Variants in CNTNAP4 observed in about 807,000 individuals in gnomAD.
CNTNAP4 encodes the protein contactin associated protein family member 4.
CNTNAP4 carries 98 observed loss-of-function variants against 148.4 expected under a neutral mutation model. The observed-to-expected ratio is 0.66, with a 90% CI of 0.56 to 0.78. CNTNAP4 has a LOEUF of 0.78. Ranked by LOEUF, CNTNAP4 falls within the 30% of genes least tolerant of loss-of-function variation. The pLI, the probability that CNTNAP4 is intolerant of heterozygous loss-of-function variation, is 0.00. For synonymous variants in CNTNAP4, 730 were observed against 565.1 expected (o/e 1.29, Z -4.14); for missense variants, 1,935 against 1,565.6 (o/e 1.24, Z -3.98).
chr16:76,300,206 T>C (rs76986100), intron 1 of CNTNAP4, among the ~76,000 whole-genome samples: 3,953 of 152,246 alleles, frequency 0.026, 169 homozygotes, highest in African/African-American at 0.089. Context: ...ATCACTGATG[T>C]ACTTTTAAAG....
intron 10 of CNTNAP4, among the ~76,000 whole-genome samples, chr16:76,475,044 C>T (rs1446101405): frequency 6.6e-6 from 1 of 152,134 alleles, no homozygotes; most frequent in Admixed American, 6.5e-5. Context: ...CCTGTAATCC[C>T]AGCTACTCCA....
chr16:76,332,266 A>G (rs571075061), intron 2 of CNTNAP4, among the ~76,000 whole-genome samples: 1 of 151,990 alleles, frequency 6.6e-6, no homozygotes, highest in Admixed American at 6.6e-5. Context: ...TGGGGCCAAT[A>G]TTATTATTTT....
chr16:76,509,429 G>T lies in CNTNAP4; in HGVS notation c.2365+10735G>T, dbSNP rs1274525178. ...TTAGACAAAATAATTTTAAAAAGAG[G>T]TTGAGAAATGAATTTATAAAACTTT... On this transcript the variant is annotated intron_variant, in intron 15 of 23. Coordinates refer to ENST00000611870, the MANE Select transcript of CNTNAP4 (RefSeq NM_033401.5). Among the ~76,000 whole-genome samples the T allele has an allele frequency of 2.1e-5, 2 of 97,384 alleles. 1 individual carries two copies. The highest frequency in any genetic ancestry group is 5.2e-5 in the African/African-American group (2 of 38,798). The allele number at this position is 97,384 out of a possible 152,430, so 63.9% of individuals were successfully genotyped here.
At chr16:76,478,213 T>G (rs2081662599) in intron 11 of CNTNAP4, among the ~76,000 whole-genome samples, 1 of 152,202 alleles carries the variant, frequency 6.6e-6, no homozygotes, top group African/African-American at 2.4e-5. Flanking sequence ...CCAATCCTTT[T>G]CCACAACCAG....
intron 3 of CNTNAP4, among the ~76,000 whole-genome samples, chr16:76,384,220 T>A (rs2016287786): frequency 2.0e-5 from 3 of 151,898 alleles, no homozygotes; most frequent in African/African-American, 7.3e-5. Flanking sequence ...ATTTTTGTAT[T>A]TCTGGTGGAG....
intron 8 of CNTNAP4, among the ~76,000 whole-genome samples, chr16:76,454,914 C>G (rs1387823040): frequency 6.6e-6 from 1 of 152,022 alleles, no homozygotes; most frequent in Admixed American, 6.6e-5. Context: ...TTGAAAAACT[C>G]AACATTTTAA....
At chr16:76,534,967 A>T (rs1361861287) in intron 17 of CNTNAP4, among the ~76,000 whole-genome samples, 1 of 152,220 alleles carries the variant, frequency 6.6e-6, no homozygotes, top group Admixed American at 6.5e-5. Context: ...AGCATAAAAC[A>T]CTGAACACTA....
intron 8 of CNTNAP4, among the ~76,000 whole-genome samples, chr16:76,459,087 C>A (rs2080840949): frequency 6.6e-6 from 1 of 152,086 alleles, no homozygotes; most frequent in Non-Finnish European, 1.5e-5. Flanking sequence ...AGTGGAAAGT[C>A]TAAAATGAAA....
chr16:76,305,232 T>C (rs1327876446), intron 1 of CNTNAP4, among the ~76,000 whole-genome samples: 2 of 152,208 alleles, frequency 1.3e-5, no homozygotes, highest in Non-Finnish European at 2.9e-5. Context: ...TTTCTCTATG[T>C]CTGTGACAAT....
chr16:76,309,490 C>G (rs1960857622), intron 1 of CNTNAP4, among the ~76,000 whole-genome samples: 1 of 152,064 alleles, frequency 6.6e-6, no homozygotes, highest in Non-Finnish European at 1.5e-5. Context: ...AGTGGGGCAT[C>G]CTATGGGATT....
At position 76,515,121 on chromosome 16, in the gene CNTNAP4, G is replaced by C. The variant is rs927854865; in HGVS notation, c.2366-6019G>C. Among the ~76,000 whole-genome samples the C allele has an allele frequency of 2.6e-5, 4 of 152,276 alleles. No homozygotes were observed. In the South Asian group the frequency reaches 6.2e-4, roughly 24 times the overall value. On this transcript the variant is annotated intron_variant, in intron 15 of 23. Coordinates refer to ENST00000611870, the MANE Select transcript of CNTNAP4 (RefSeq NM_033401.5). ...TTATCAAAATGAAATTTTACTTTGT[G>C]AAAGCTTGCATGAAGAGGAAGAAAA...
chr16:76,469,927 T>G (rs2081305512), intron 10 of CNTNAP4, among the ~76,000 whole-genome samples: 1 of 152,178 alleles, frequency 6.6e-6, no homozygotes, highest in African/African-American at 2.4e-5. Flanking sequence ...ATATTTAGTT[T>G]GGTCTTATAT....
At chr16:76,518,551 C>T (rs1477932522) in intron 15 of CNTNAP4, among the ~76,000 whole-genome samples, 1 of 152,034 alleles carries the variant, frequency 6.6e-6, no homozygotes, top group Non-Finnish European at 1.5e-5. Context: ...ATACATAATA[C>T]TTATGCATAT....
At chr16:76,280,259 C>G (rs1209851906) in intron 1 of CNTNAP4, among the ~76,000 whole-genome samples, 3 of 152,154 alleles carry the variant, frequency 2.0e-5, no homozygotes, top group African/African-American at 4.8e-5. Context: ...CTCTGCAAAA[C>G]CAGTACAGCT....
intron 1 of CNTNAP4, among the ~76,000 whole-genome samples, chr16:76,297,914 T>A (rs1222907218): frequency 6.6e-6 from 1 of 152,216 alleles, no homozygotes; most frequent in Non-Finnish European, 1.5e-5. Flanking sequence ...TCTCTGCTTC[T>A]CCTTTTCCTC....
At chr16:76,372,009 AG>A (rs2014879388) in intron 3 of CNTNAP4, among the ~76,000 whole-genome samples, 1 of 152,168 alleles carries the variant, frequency 6.6e-6, no homozygotes, top group South Asian at 2.1e-4. Flanking sequence ...TGTTATTTCC[AG>A]GGAGTCTCTG....
intron 3 of CNTNAP4, among the ~76,000 whole-genome samples, chr16:76,413,465 G>A (rs1436529574): frequency 2.0e-5 from 3 of 151,102 alleles, no homozygotes; most frequent in Non-Finnish European, 4.4e-5. Flanking sequence ...TGCTGAATCT[G>A]TTTCTGGATT....
At chr16:76,314,404 A>G (rs1390328785) in intron 1 of CNTNAP4, among the ~76,000 whole-genome samples, 1 of 152,212 alleles carries the variant, frequency 6.6e-6, no homozygotes, top group Non-Finnish European at 1.5e-5. Context: ...TCACGAAAGT[A>G]GGAGGAATAA....
chr16:76,461,429 A>G (rs902146733), intron 8 of CNTNAP4, among the ~76,000 whole-genome samples: 13 of 152,146 alleles, frequency 8.5e-5, no homozygotes, highest in African/African-American at 3.1e-4. Context: ...TCTACAAACT[A>G]CGAGGATCAA....
Sources: allele counts gnomAD v4.1 joint callset (sites outside exome capture counted in the v4.1 genomes callset), GRCh38; gene constraint gnomAD v4.1.1; transcripts MANE v1.5; gene names NCBI Gene and HGNC (gene_info 2026-07-23, HGNC 2026-07-21).